Variants in HECW2 observed in about 807,000 individuals in gnomAD.
HECW2 encodes the protein HECT, C2 and WW domain containing E3 ubiquitin protein ligase 2.
A neutral mutation model predicts 175.2 loss-of-function variants in HECW2; 61 were observed. The observed-to-expected ratio is 0.35, with a 90% CI of 0.28 to 0.43. The LOEUF (loss-of-function observed/expected upper bound fraction) is 0.43, where lower values mean the gene tolerates loss of function less well. Among genes scored for constraint, HECW2 ranks in the 20% least tolerant of loss-of-function variants. The pLI, the probability that HECW2 is intolerant of heterozygous loss-of-function variation, is 1.00. For missense variants in HECW2, 1,524 were observed against 2,000.5 expected (o/e 0.76, Z 4.54); for synonymous variants, 671 against 731.0 (o/e 0.92, Z 1.32).
chr2:196,327,918 T>C (rs1369030949), intron 5 of HECW2, among the ~76,000 whole-genome samples: 1 of 152,198 alleles, frequency 6.6e-6, no homozygotes, highest in African/African-American at 2.4e-5. Context: ...TCTCACATAG[T>C]CAGTTAATAA....
intron 1 of HECW2, among the ~76,000 whole-genome samples, chr2:196,447,996 T>C (rs1291245339): frequency 1.3e-5 from 2 of 152,180 alleles, no homozygotes; most frequent in African/African-American, 2.4e-5. Context: ...GAGGCACAGG[T>C]TGCAGTGAGC....
At chr2:196,281,270 C>A (rs1164266456) in intron 14 of HECW2, among the ~76,000 whole-genome samples, 8 of 151,836 alleles carry the variant, frequency 5.3e-5, no homozygotes, top group Non-Finnish European at 1.0e-4. Flanking sequence ...CAGATAAAAA[C>A]AAATTGGCAA....
chr2:196,419,218 T>C (rs1181147237), intron 2 of HECW2, among the ~76,000 whole-genome samples: 1 of 151,684 alleles, frequency 6.6e-6, no homozygotes, highest in African/African-American at 2.4e-5. Context: ...CCTAAGGGAG[T>C]AGGAAAACAG....
chr2:196,226,208 G>A (rs915954180), intron 22 of HECW2, among the ~76,000 whole-genome samples: 1 of 151,834 alleles, frequency 6.6e-6, no homozygotes, highest in African/African-American at 2.4e-5. Context: ...TCATATAAAA[G>A]TGTGGCACCT....
intron 2 of HECW2, among the ~76,000 whole-genome samples, chr2:196,383,512 A>C (rs539127830): frequency 5.3e-5 from 8 of 152,206 alleles, no homozygotes; most frequent in Non-Finnish European, 1.0e-4. Context: ...AAAGGACAAA[A>C]CAGAAATAAC....
intron 1 of HECW2, among the ~76,000 whole-genome samples, chr2:196,530,189 T>G (rs553883478): frequency 3.9e-4 from 60 of 152,342 alleles, no homozygotes; most frequent in Non-Finnish European, 7.6e-4. Context: ...CTCCCACTCT[T>G]ACAGCAAGCC....
At chr2:196,491,964 G>A (rs1687213488) in intron 1 of HECW2, among the ~76,000 whole-genome samples, 1 of 151,954 alleles carries the variant, frequency 6.6e-6, no homozygotes. Flanking sequence ...AATAGTGACA[G>A]AACAAAAAGA....
chr2:196,479,531 C>T (rs1686775894), intron 1 of HECW2, among the ~76,000 whole-genome samples: 1 of 152,204 alleles, frequency 6.6e-6, no homozygotes, highest in East Asian at 1.9e-4. Flanking sequence ...CACCACATTT[C>T]CCAGGCTGCC....
chr2:196,512,101 C>T lies in HECW2; in HGVS notation c.-35-78643G>A, dbSNP rs112041233. Among the ~76,000 whole-genome samples, 443 of 152,328 alleles carry T rather than the reference C, an allele frequency of 2.9e-3. 1 individual carries two copies. The highest frequency in any genetic ancestry group is 0.01 in the African/African-American group (418 of 41,582). Reference sequence around the variant, plus strand: ...AAATGAATGAAGACATATGTATGCACACTCTGTGTGAAAGACCTGTGGAGA... The same window carrying T: ...AAATGAATGAAGACATATGTATGCATACTCTGTGTGAAAGACCTGTGGAGA... On this transcript the variant is annotated intron_variant, in intron 1 of 28. Coordinates refer to ENST00000644978, the MANE Select transcript of HECW2 (RefSeq NM_001348768.2).
At chr2:196,246,325 T>C (rs944510930) in intron 19 of HECW2, among the ~76,000 whole-genome samples, 1 of 152,006 alleles carries the variant, frequency 6.6e-6, no homozygotes, top group Admixed American at 6.5e-5. Context: ...GCAAAATCAT[T>C]GATAAGAGAG....
chr2:196,278,696 G>T, intron 14 of HECW2, 34 bp from the exon 15 acceptor site: 2 of 1,611,100 alleles, frequency 1.2e-6, no homozygotes, highest in Non-Finnish European at 1.7e-6. Flanking sequence ...AATACATGCC[G>T]CTCACATGTC....
intron 1 of HECW2, among the ~76,000 whole-genome samples, chr2:196,555,714 T>A (rs575521357): frequency 6.6e-6 from 1 of 152,214 alleles, no homozygotes; most frequent in Non-Finnish European, 1.5e-5. Context: ...AAGTATTTTT[T>A]AAAAAGAAAA....
At chr2:196,453,395 G>A (rs577754827) in intron 1 of HECW2, among the ~76,000 whole-genome samples, 2 of 152,306 alleles carry the variant, frequency 1.3e-5, no homozygotes, top group African/African-American at 4.8e-5. Flanking sequence ...CTGCCTCAAA[G>A]CACTTCAATA....
At chr2:196,465,978 A>G (rs1234663352) in intron 1 of HECW2, among the ~76,000 whole-genome samples, 1 of 152,206 alleles carries the variant, frequency 6.6e-6, no homozygotes, top group Non-Finnish European at 1.5e-5. Flanking sequence ...ATGTAGCTAC[A>G]AAGTTATGTT....
intron 2 of HECW2, among the ~76,000 whole-genome samples, chr2:196,429,117 T>C (rs1396021422): frequency 1.3e-5 from 2 of 152,210 alleles, no homozygotes; most frequent in African/African-American, 4.8e-5. Flanking sequence ...TGGCTTTTCA[T>C]TGGAAAGCAA....
chr2:196,568,214 A>T (rs576816094), intron 1 of HECW2, among the ~76,000 whole-genome samples: 1 of 152,284 alleles, frequency 6.6e-6, no homozygotes, highest in East Asian at 1.9e-4. Flanking sequence ...TAGGACACTC[A>T]AATATATATC....
intron 1 of HECW2, among the ~76,000 whole-genome samples, chr2:196,459,122 T>C (rs759459531): frequency 8.5e-5 from 13 of 152,174 alleles, no homozygotes; most frequent in Non-Finnish European, 1.3e-4. Context: ...ACTATACGTA[T>C]AATTAAATGT....
At chr2:196,222,408 G>A in intron 23 of HECW2, 68 bp from the exon 24 acceptor site, 2 of 1,450,100 alleles carry the variant, frequency 1.4e-6, no homozygotes, top group South Asian at 1.2e-5. Context: ...GAGTCATAAG[G>A]AAAGAAACTA....
rs151313939 is a variant in HECW2, at chr2:196,350,630, A to G, written c.293-6866T>C. Among the ~76,000 whole-genome samples, 143 of 150,436 alleles carry G rather than the reference A, an allele frequency of 9.5e-4. 2 individuals are homozygous for G. Among genetic ancestry groups the G allele is most frequent in the Middle Eastern group, 6.8e-3 (2 of 294 alleles). On this transcript the variant is annotated intron_variant, in intron 2 of 28. Transcript: ENST00000644978. ...CATTTGTTACCTTGTTCATTCATTC[A>G]TTCATTTGACAGGTATTTATTGACT...
Sources: gnomAD v4.1 joint callset for allele counts (sites outside exome capture counted in the v4.1 genomes callset) on GRCh38, gnomAD v4.1.1 for gene constraint, MANE v1.5 for transcripts, NCBI Gene and HGNC (gene_info 2026-07-23, HGNC 2026-07-21) for gene names.